FILIP1L: variants seen among roughly 807,000 people sequenced by gnomAD.
The protein encoded by FILIP1L is filamin A interacting protein 1 like, also known as filamin A-interacting protein 1-like.
In FILIP1L, 55 loss-of-function variants were observed where a neutral mutation model predicts 96.6. That is an observed-to-expected ratio of 0.57 (90% confidence interval 0.46 to 0.71). The LOEUF (loss-of-function observed/expected upper bound fraction) is 0.71. Among genes scored for constraint, FILIP1L ranks in the 30% least tolerant of loss-of-function variants. The probability of loss-of-function intolerance (pLI) is 0.00; values close to 1 mark genes in which losing one functional copy is unlikely to be tolerated. For missense variants in FILIP1L, 1,304 were observed against 1,321.2 expected, an observed-to-expected ratio of 0.99 and a Z score of 0.20; for synonymous variants, 467 against 473.9, an observed-to-expected ratio of 0.99 and a Z score of 0.19.
intron 1 of FILIP1L, among the ~76,000 whole-genome samples, chr3:100,084,069 C>A (rs2065970379): frequency 6.6e-6 from 1 of 152,112 alleles, no homozygotes; most frequent in Non-Finnish European, 1.5e-5. Context: ...ATTTCTGCTA[C>A]CCCCATGCCA....
Position 100,039,459 on chromosome 3 carries a change from G to A in FILIP1L, c.-11+74594C>T, listed in dbSNP as rs752481467. Reference sequence around the variant, plus strand: ...GGAGTTCTACAAAAATACCAACTTGGTTTAATACTTAATGGAAAGGAAAAC... The same window carrying A: ...GGAGTTCTACAAAAATACCAACTTGATTTAATACTTAATGGAAAGGAAAAC... On this transcript the variant is annotated intron_variant, in intron 1 of 5. Coordinates refer to ENST00000477258, the MANE Select transcript of FILIP1L (RefSeq NM_001387850.1). 1.8e-4 allele frequency among the ~76,000 whole-genome samples: 27 copies of A among 152,158 alleles called. 1 individual carries two copies. In the South Asian group the frequency reaches 2.7e-3, roughly 15 times the overall value.
intron 1 of FILIP1L, among the ~76,000 whole-genome samples, chr3:99,945,535 A>G (rs1376939282): frequency 3.3e-5 from 5 of 152,188 alleles, no homozygotes; most frequent in Non-Finnish European, 5.9e-5. Flanking sequence ...GAAGCTTACA[A>G]TTAAGGAGGG....
At chr3:100,031,050 C>T (rs1290560072) in intron 1 of FILIP1L, among the ~76,000 whole-genome samples, 2 of 152,136 alleles carry the variant, frequency 1.3e-5, no homozygotes. Context: ...ATAAAATGAT[C>T]TTTGCCCATT....
Position 99,849,233 on chromosome 3 carries a change from G to A in FILIP1L, c.2443C>T (p.Leu815Phe), listed in dbSNP as rs200968958. The change falls in exon 5 of 6, where the codon CTC becomes TTC. Residue 815 changes from leucine to phenylalanine, a missense_variant. Transcript: ENST00000477258. ...ATGACTGCACGTTCCAGAGGAATGAGGCTCTTGTAATCAGGTGGTTCATTG... is the reference window on the plus strand; with the variant it reads ...ATGACTGCACGTTCCAGAGGAATGAAGCTCTTGTAATCAGGTGGTTCATTG... ...VDNEPPDYKS[L>F]IPLERAVING... The A allele has an allele frequency of 6.2e-7, 1 of 1,614,036 alleles. No homozygotes were observed. The highest frequency in any genetic ancestry group is 1.3e-5 in the African/African-American group (1 of 74,920).
intron 1 of FILIP1L, among the ~76,000 whole-genome samples, chr3:100,043,360 A>G (rs909175483): frequency 5.9e-5 from 9 of 152,132 alleles, no homozygotes; most frequent in Non-Finnish European, 1.0e-4. Flanking sequence ...TTTCAGCTAT[A>G]TTAAATATTT....
intron 4 of FILIP1L, among the ~76,000 whole-genome samples, chr3:99,879,227 G>A (rs1385077226): frequency 1.3e-5 from 2 of 152,068 alleles, no homozygotes; most frequent in South Asian, 2.1e-4. Flanking sequence ...TTTCTAATGC[G>A]GGAGAAGGGG....
At chr3:100,045,737 A>T (rs2065268959) in intron 1 of FILIP1L, among the ~76,000 whole-genome samples, 1 of 152,252 alleles carries the variant, frequency 6.6e-6, no homozygotes, top group African/African-American at 2.4e-5. Context: ...CAAAGCCTTT[A>T]CATTTCCAGA....
intron 4 of FILIP1L, among the ~76,000 whole-genome samples, chr3:99,867,430 G>GA (rs966171267): frequency 6.6e-6 from 1 of 152,092 alleles, no homozygotes; most frequent in Non-Finnish European, 1.5e-5. Context: ...AAAGGTTTTT[G>GA]AAAAAAGCTC....
Position 99,850,792 on chromosome 3 carries a change from A to G in FILIP1L, c.884T>C (p.Leu295Pro). 1 of 1,614,126 alleles carries G rather than the reference A, an allele frequency of 6.2e-7. No homozygotes were observed. Among genetic ancestry groups the G allele is most frequent in the South Asian group, 1.1e-5 (1 of 91,082 alleles). Residue 295 changes from leucine to proline, a missense_variant, in exon 5 of 6, where the codon CTG (leucine) becomes CCG (proline). Physicochemically the swap from Leu to Pro is moderately conservative, Grantham distance 98 (BLOSUM62 -3). Coordinates refer to ENST00000477258, the MANE Select transcript of FILIP1L (RefSeq NM_001387850.1). ...EQKATRLEKE[L>P]QTQTTKFHQD... ...GTGAAACTTTGTGGTCTGCGTTTGC[A>G]GTTCCTTCTCTAGTCTGGTTGCCTT...
intron 1 of FILIP1L, among the ~76,000 whole-genome samples, chr3:100,053,623 T>C (rs2065411108): frequency 6.6e-6 from 1 of 152,138 alleles, no homozygotes; most frequent in Admixed American, 6.5e-5. Context: ...GTGCATAAAT[T>C]TGGGGGAGTG....
At chr3:100,064,223 G>A (rs921848135) in intron 1 of FILIP1L, among the ~76,000 whole-genome samples, 4 of 152,148 alleles carry the variant, frequency 2.6e-5, no homozygotes, top group African/African-American at 9.7e-5. Context: ...GTGGTGGATT[G>A]GGAAAGAGGA....
chr3:100,054,657 C>A (rs1166870937), intron 1 of FILIP1L, among the ~76,000 whole-genome samples: 1 of 152,056 alleles, frequency 6.6e-6, no homozygotes, highest in Non-Finnish European at 1.5e-5. Flanking sequence ...AGAAACCATG[C>A]TGGACAACTG....
intron 1 of FILIP1L, among the ~76,000 whole-genome samples, chr3:99,947,917 A>G (rs374309774): frequency 1.4e-4 from 21 of 152,344 alleles, no homozygotes; most frequent in African/African-American, 5.1e-4. Flanking sequence ...AGCTGTTATT[A>G]TATTTACAGA....
At chr3:100,006,245 C>G (rs974027544) in intron 1 of FILIP1L, among the ~76,000 whole-genome samples, 1 of 152,130 alleles carries the variant, frequency 6.6e-6, no homozygotes, top group African/African-American at 2.4e-5. Flanking sequence ...CCCCAGCCCT[C>G]AACTGATCTT....
chr3:99,983,440 ATGTATGTATATATATATATGTGTG>A (rs1709207593), intron 1 of FILIP1L, among the ~76,000 whole-genome samples: 4 of 37,916 alleles, frequency 1.1e-4, no homozygotes, highest in African/African-American at 2.8e-4. Flanking sequence ...ATGTATATAT[ATGTATGTATATATATATATGTGTG>A]TATATATATA....
At chr3:99,922,333 G>A (rs1281782307) in intron 4 of FILIP1L, among the ~76,000 whole-genome samples, 3 of 152,168 alleles carry the variant, frequency 2.0e-5, no homozygotes, top group Non-Finnish European at 2.9e-5. Context: ...TGTAATGTCT[G>A]AGTCAAATGT....
intron 3 of FILIP1L, among the ~76,000 whole-genome samples, chr3:99,926,796 T>A (rs1039925558): frequency 6.6e-6 from 1 of 152,220 alleles, no homozygotes; most frequent in African/African-American, 2.4e-5. Context: ...AATCCACTCT[T>A]GCTTTCCATT....
chr3:99,990,729 C>T (rs1709486586), intron 1 of FILIP1L, among the ~76,000 whole-genome samples: 1 of 151,878 alleles, frequency 6.6e-6, no homozygotes, highest in Admixed American at 6.6e-5. Context: ...CTATCAAGTG[C>T]CCACGGGAGG....
intron 4 of FILIP1L, among the ~76,000 whole-genome samples, chr3:99,892,266 CTT>C (rs1160665698): frequency 6.6e-6 from 1 of 152,188 alleles, no homozygotes; most frequent in Non-Finnish European, 1.5e-5. Flanking sequence ...AATGTGAGGG[CTT>C]CACATCTTTG....
Sources: allele counts gnomAD v4.1 joint callset (sites outside exome capture counted in the v4.1 genomes callset), GRCh38; gene constraint gnomAD v4.1.1; transcripts MANE v1.5; gene names NCBI Gene and HGNC (gene_info 2026-07-23, HGNC 2026-07-21).